Variants in PTPRQ observed in about 807,000 individuals in gnomAD.
PTPRQ encodes the protein protein tyrosine phosphatase receptor type Q, also known as phosphatidylinositol phosphatase PTPRQ.
PTPRQ carries 199 observed loss-of-function variants against 246.0 expected under a neutral mutation model. That is an observed-to-expected ratio of 0.81 (90% CI 0.72 to 0.91). The LOEUF is 0.91. Ranked by LOEUF, PTPRQ falls within the 40% of genes least tolerant of loss-of-function variation. The pLI, the probability that PTPRQ is intolerant of heterozygous loss-of-function variation, is 0.00. For missense variants in PTPRQ, 2,624 were observed against 2,528.4 expected (o/e 1.04, Z -0.81); for synonymous variants, 869 against 853.2 (o/e 1.02, Z -0.32).
chr12:80,648,867 A>G (rs944208442), intron 35 of PTPRQ, 30 bp from the exon 36 acceptor site: 3 of 1,522,970 alleles, frequency 2.0e-6, no homozygotes, highest in Non-Finnish European at 2.6e-6. Flanking sequence ...ACTCTGACTC[A>G]CAATGCATTT....
chr12:80,652,823 A>G lies in PTPRQ; in HGVS notation c.6104A>G (p.Asn2035Ser). Residue 2035 changes from asparagine (N) to serine (S), a missense_variant, in exon 38 of 45, where the codon AAC becomes AGC. Transcript: ENST00000644991. ...AATAGAGCAAAAAACCGCTTCCCAA[A>G]CATAAAACCATGTATGTGCATTTGT... ...PWNRAKNRFP[N>S]IKPYNNNRVK... 6.7e-7 allele frequency: 1 copy of G among 1,503,720 alleles called. No individual in the cohort carries two copies. The highest frequency in any genetic ancestry group is 8.9e-7 in the Non-Finnish European group (1 of 1,126,466). 93.1% of individuals were successfully genotyped at this position (1,503,720 alleles called of 1,614,324 possible). A position where few individuals can be genotyped will look rare whatever the true frequency, so the allele number is the denominator to read the frequency against.
At chr12:80,527,252 A>C (rs1007090859) in intron 17 of PTPRQ, among the ~76,000 whole-genome samples, 8 of 152,216 alleles carry the variant, frequency 5.3e-5, no homozygotes, top group South Asian at 2.1e-4. Context: ...TATTTATACT[A>C]TGTAAACCCT....
intron 14 of PTPRQ, among the ~76,000 whole-genome samples, chr12:80,498,432 G>A (rs1233171379): frequency 6.6e-6 from 1 of 151,972 alleles, no homozygotes; most frequent in Non-Finnish European, 1.5e-5. Flanking sequence ...GGCCTTACTG[G>A]GGATAAAGTA....
chr12:80,521,688 T>A (rs1420747563), intron 17 of PTPRQ, among the ~76,000 whole-genome samples: 1 of 152,208 alleles, frequency 6.6e-6, no homozygotes, highest in African/African-American at 2.4e-5. Context: ...TGAGGCGTTA[T>A]TTCTGAGGGC....
At chr12:80,461,197 GC>G (rs1289062595) in intron 6 of PTPRQ, among the ~76,000 whole-genome samples, 6 of 151,976 alleles carry the variant, frequency 3.9e-5, no homozygotes, top group Non-Finnish European at 7.4e-5. Context: ...AATCATCTTT[GC>G]CGTTCTAAAT....
chr12:80,604,914 C>G, intron 26 of PTPRQ, 145 bp from the exon 27 acceptor site: 1 of 791,246 alleles, frequency 1.3e-6, no homozygotes, highest in Non-Finnish European at 1.7e-6. Flanking sequence ...TTTGGTAATG[C>G]CTTTAGCACT....
At chr12:80,600,097 G>A (rs760005010) in intron 26 of PTPRQ, among the ~76,000 whole-genome samples, 3 of 151,802 alleles carry the variant, frequency 2.0e-5, no homozygotes, top group African/African-American at 2.4e-5. Context: ...AAGGGAAAAC[G>A]ATTTTTGGAA....
At chr12:80,656,758 A>G (rs1474523777) in intron 38 of PTPRQ, among the ~76,000 whole-genome samples, 1 of 151,954 alleles carries the variant, frequency 6.6e-6, no homozygotes, top group African/African-American at 2.4e-5. Context: ...CTAACTACCT[A>G]GAAAACAAAG....
intron 14 of PTPRQ, among the ~76,000 whole-genome samples, chr12:80,505,303 A>T (rs183851846): frequency 6.6e-6 from 1 of 151,812 alleles, no homozygotes; most frequent in African/African-American, 2.4e-5. Context: ...CTGAATTCTA[A>T]CTTTCTTTTC....
At chr12:80,578,415 G>C (rs1259471519) in intron 25 of PTPRQ, among the ~76,000 whole-genome samples, 1 of 151,578 alleles carries the variant, frequency 6.6e-6, no homozygotes, top group Non-Finnish European at 1.5e-5. Context: ...TTATGAGATG[G>C]AGTCTCACTC....
At chr12:80,652,959 G>T (rs1900303175) in intron 38 of PTPRQ, 125 bp downstream of exon 38, 1 of 1,087,568 alleles carries the variant, frequency 9.2e-7, no homozygotes, top group African/African-American at 1.7e-5. Flanking sequence ...TATTTTATTG[G>T]CAGTGACTAC....
At position 80,543,062 on chromosome 12, in the gene PTPRQ, A is replaced by C. The variant is rs372994498; in HGVS notation, c.3873+181A>C. Among the ~76,000 whole-genome samples the C allele has an allele frequency of 7.2e-4, 109 of 152,248 alleles. 2 individuals carry two copies. The South Asian group carries it at 0.022, about 31-fold the overall frequency. On this transcript the variant is annotated intron_variant, in intron 23 of 44. Transcript: ENST00000644991. The stretch of plus-strand genomic sequence containing the variant: ...ACAAGCAAGCGTTTGACAGATATAT[A>C]AGCTGAATACTTCATAGAGCAATGT...
chr12:80,506,238 C>T lies in PTPRQ; in HGVS notation c.2455+32C>T, dbSNP rs769805993. On this transcript the variant is annotated intron_variant, in intron 15 of 44. Transcript: ENST00000644991. ...GAACAAATCTAATATTGGATATTTG[C>T]ATTTATAATGACAGAGTAGCCACAA... The T allele has an allele frequency of 1.3e-5, 18 of 1,433,954 alleles. No individual in the cohort carries two copies. In the Middle Eastern group the frequency reaches 1.7e-3, roughly 137 times the overall value. The allele number at this position is 1,433,954 out of a possible 1,614,324, so 88.8% of individuals were successfully genotyped here.
At chr12:80,612,496 C>A (rs370332805) in intron 28 of PTPRQ, among the ~76,000 whole-genome samples, 5 of 150,208 alleles carry the variant, frequency 3.3e-5, no homozygotes, top group African/African-American at 1.2e-4. Context: ...TGTACTAGAA[C>A]AGATAAGGTA....
In PTPRQ at chr12:80,652,729, G is replaced by A; in HGVS notation, c.6025-15G>A. On this transcript the variant is annotated splice_polypyrimidine_tract_variant and intron_variant, in intron 37 of 44. Transcript: ENST00000644991. The stretch of plus-strand genomic sequence containing the variant: ...CTCTGATAAATGTAAACTTTGTAAT[G>A]ACTTTATTTTACAGGAATTACCAAA... 1 of 1,487,586 alleles carries A rather than the reference G, an allele frequency of 6.7e-7. No homozygotes were observed. The highest frequency in any genetic ancestry group is 8.9e-7 in the Non-Finnish European group (1 of 1,122,620). The allele number at this position is 1,487,586 out of a possible 1,614,324, so 92.1% of individuals were successfully genotyped here. A position where few individuals can be genotyped will look rare whatever the true frequency, so the allele number is the denominator to read the frequency against.
intron 5 of PTPRQ, among the ~76,000 whole-genome samples, 188 bp from the exon 6 acceptor site, chr12:80,460,465 A>G (rs1414292736): frequency 6.6e-6 from 1 of 152,206 alleles, no homozygotes; most frequent in Non-Finnish European, 1.5e-5. Context: ...AATACAATAA[A>G]TATGTCCTCT....
chr12:80,509,889 C>G (rs1012833232), intron 16 of PTPRQ, among the ~76,000 whole-genome samples: 1 of 152,022 alleles, frequency 6.6e-6, no homozygotes, highest in Non-Finnish European at 1.5e-5. Context: ...TAACTGCTTT[C>G]TCAATGTTAT....
intron 14 of PTPRQ, among the ~76,000 whole-genome samples, chr12:80,505,103 G>A (rs1262874327): frequency 2.6e-5 from 4 of 151,854 alleles, no homozygotes; most frequent in Admixed American, 6.6e-5. Context: ...ATCTTTCAGC[G>A]GGCCCCAGGG....
At chr12:80,506,906 A>G (rs1482894712) in intron 16 of PTPRQ, among the ~76,000 whole-genome samples, 1 of 151,994 alleles carries the variant, frequency 6.6e-6, no homozygotes, top group Non-Finnish European at 1.5e-5. Context: ...GTACTCTGTA[A>G]AAAACAGTCA....
Sources: allele counts gnomAD v4.1 joint callset (sites outside exome capture counted in the v4.1 genomes callset), GRCh38; gene constraint gnomAD v4.1.1; transcripts MANE v1.5; gene names NCBI Gene and HGNC (gene_info 2026-07-23, HGNC 2026-07-21).